The following ASTN1 variants were observed in gnomAD, a reference collection of about 807,000 sequenced individuals.
The protein encoded by ASTN1 is astrotactin 1, also known as astrotactin-1.
In ASTN1, 41 loss-of-function variants were observed where a neutral mutation model predicts 140.7. The observed-to-expected ratio is 0.29, with a 90% CI of 0.23 to 0.38. ASTN1 has a LOEUF of 0.38. ASTN1 is among the 10% of genes least tolerant of loss of function. The pLI, the probability that ASTN1 is intolerant of heterozygous loss-of-function variation, is 1.00. For missense variants in ASTN1, 1,479 were observed against 1,678.8 expected (o/e 0.88, Z 2.08); for synonymous variants, 640 against 652.2 (o/e 0.98, Z 0.29).
chr1:176,889,915 A>T (rs6676325), intron 17 of ASTN1, among the ~76,000 whole-genome samples: 47,709 of 152,114 alleles, frequency 0.31, 8,996 homozygotes, highest in East Asian at 0.73. Flanking sequence ...TGCCCACTTT[A>T]TGCTTTGCCT....
chr1:176,862,543 C>A lies in ASTN1; in HGVS notation c.*1741G>T, dbSNP rs1034421183. Reference sequence around the variant, plus strand: ...GGCTGAGAGCTTGGACAGTTGTGTGCCAGATGATACTGAAAACAGAACTGG... The same window carrying A: ...GGCTGAGAGCTTGGACAGTTGTGTGACAGATGATACTGAAAACAGAACTGG... On this transcript the variant is annotated 3_prime_UTR_variant, in exon 23 of 23. Coordinates refer to ENST00000361833, the MANE Select transcript of ASTN1 (RefSeq NM_004319.3). 4.1e-6 allele frequency: 4 copies of A among 985,224 alleles called. No homozygotes were observed. In the African/African-American group the frequency reaches 7.0e-5, roughly 17 times the overall value. The allele number at this position is 985,224 out of a possible 1,614,324, so 61.0% of individuals were successfully genotyped here.
At position 177,033,919 on chromosome 1, in the gene ASTN1, T is replaced by A. The variant is rs149119019; in HGVS notation, c.472-1070A>T. On this transcript the variant is annotated intron_variant, in intron 2 of 22. Coordinates refer to ENST00000361833, the MANE Select transcript of ASTN1 (RefSeq NM_004319.3). ...CTGCATGGCACTCGGTGGGCATAAATCTTCCCGTGCACAATCTCTATTCAC... is the reference window on the plus strand; with the variant it reads ...CTGCATGGCACTCGGTGGGCATAAAACTTCCCGTGCACAATCTCTATTCAC... 2.8e-4 allele frequency among the ~76,000 whole-genome samples: 43 copies of A among 152,124 alleles called. 1 individual carries two copies. The highest frequency in any genetic ancestry group is 9.6e-4 in the African/African-American group (40 of 41,490).
intron 16 of ASTN1, among the ~76,000 whole-genome samples, chr1:176,895,968 T>C (rs1669484505): frequency 6.6e-6 from 1 of 152,148 alleles, no homozygotes; most frequent in South Asian, 2.1e-4. Context: ...CTCAGACTCA[T>C]GAAGAATGCA....
At chr1:177,072,666 C>G (rs1331396862) in intron 1 of ASTN1, among the ~76,000 whole-genome samples, 1 of 152,092 alleles carries the variant, frequency 6.6e-6, no homozygotes, top group African/African-American at 2.4e-5. Flanking sequence ...ATTCTAAAGC[C>G]CTCCCTCCTC....
intron 8 of ASTN1, among the ~76,000 whole-genome samples, chr1:177,006,836 G>A (rs1393851068): frequency 6.6e-6 from 1 of 152,146 alleles, no homozygotes; most frequent in Non-Finnish European, 1.5e-5. Context: ...TCACCACGGG[G>A]AGGAGGTGGG....
chr1:177,069,627 C>A (rs1006046373), intron 1 of ASTN1, among the ~76,000 whole-genome samples: 9 of 152,134 alleles, frequency 5.9e-5, no homozygotes, highest in Non-Finnish European at 1.2e-4. Flanking sequence ...AGCAATCGAG[C>A]AACTACATGA....
intron 1 of ASTN1, among the ~76,000 whole-genome samples, chr1:177,069,380 C>T (rs565774546): frequency 9.9e-5 from 15 of 152,102 alleles, no homozygotes; most frequent in Non-Finnish European, 1.8e-4. Context: ...CCCGCTTCTC[C>T]TTTGCCGAAA....
At chr1:176,886,361 T>G (rs760832562) in intron 18 of ASTN1, among the ~76,000 whole-genome samples, 7 of 152,250 alleles carry the variant, frequency 4.6e-5, no homozygotes, top group South Asian at 2.1e-4. Context: ...CTGGATCTTG[T>G]GTCCACCTGA....
rs561258679 is a variant in ASTN1, at chr1:177,052,366, G to A, written c.471+8712C>T. The stretch of plus-strand genomic sequence containing the variant: ...TACTTCCCTATAGGCCAGGCACTAC[G>A]GGAAGTGGTTTATAAGAATCATCTC... On this transcript the variant is annotated intron_variant, in intron 2 of 22. Coordinates refer to ENST00000361833, the MANE Select transcript of ASTN1 (RefSeq NM_004319.3). 1.2e-3 allele frequency among the ~76,000 whole-genome samples: 180 copies of A among 152,190 alleles called. No homozygotes were observed. In the Middle Eastern group the frequency reaches 0.024, roughly 20 times the overall value.
chr1:176,882,868 G>T lies in ASTN1; in HGVS notation c.3353C>A (p.Thr1118Asn). 1 of 1,614,148 alleles carries T rather than the reference G, an allele frequency of 6.2e-7. No individual in the cohort carries two copies. The highest frequency in any genetic ancestry group is 8.5e-7 in the Non-Finnish European group (1 of 1,180,024). ...SLIIRCLEPDTIYMFTLWGVD... is the reference protein window; with the variant it reads ...SLIIRCLEPDNIYMFTLWGVD... ...GGTGTGTGTTACTCACATGTAAATG[G>T]TGTCAGGTTCCAGGCATCGTATGAT... Residue 1118 changes from threonine (T) to asparagine (N), a missense_variant, in exon 20 of 23, where the codon ACC (threonine) becomes AAC (asparagine). Around this residue, in one of 3 missense-constraint regions of ASTN1, gnomAD observed 746 missense variants for 800.9 expected, o/e 0.93. Coordinates refer to ENST00000361833, the MANE Select transcript of ASTN1 (RefSeq NM_004319.3).
intron 1 of ASTN1, among the ~76,000 whole-genome samples, chr1:177,109,207 G>A (rs533875371): frequency 1.6e-4 from 25 of 151,756 alleles, no homozygotes; most frequent in Admixed American, 7.2e-4. Flanking sequence ...TTGTTCATAC[G>A]GTATACCAAA....
At chr1:177,164,364 C>G in intron 1 of ASTN1, 30 bp downstream of exon 1, 1 of 1,535,524 alleles carries the variant, frequency 6.5e-7, no homozygotes, top group Non-Finnish European at 8.8e-7. Context: ...TCCAGCGCCT[C>G]CGGCCGCCTC....
intron 2 of ASTN1, among the ~76,000 whole-genome samples, chr1:177,047,102 T>C (rs2102006010): frequency 6.6e-6 from 1 of 152,120 alleles, no homozygotes; most frequent in African/African-American, 2.4e-5. Context: ...GAGCTTACAC[T>C]CAGGGGAGAT....
chr1:177,022,953 T>G (rs1329084949), intron 7 of ASTN1, among the ~76,000 whole-genome samples: 1 of 152,130 alleles, frequency 6.6e-6, no homozygotes, highest in Non-Finnish European at 1.5e-5. Context: ...TCATGCATAG[T>G]AAAGAGACTG....
chr1:177,042,997 A>C (rs1180488426), intron 2 of ASTN1, among the ~76,000 whole-genome samples: 2 of 152,236 alleles, frequency 1.3e-5, no homozygotes, highest in African/African-American at 4.8e-5. Flanking sequence ...GATTGGCCAA[A>C]TACAACATTT....
At chr1:177,150,975 G>A (rs1683006160) in intron 1 of ASTN1, among the ~76,000 whole-genome samples, 1 of 152,072 alleles carries the variant, frequency 6.6e-6, no homozygotes, top group South Asian at 2.1e-4. Flanking sequence ...AACAAAACAT[G>A]TTTTGATACA....
At chr1:176,927,769 A>C (rs1375529806) in intron 16 of ASTN1, among the ~76,000 whole-genome samples, 1 of 152,244 alleles carries the variant, frequency 6.6e-6, no homozygotes. Context: ...GCAGATAAAA[A>C]GTATGTTTTC....
At chr1:176,890,618 G>A (rs1669220384) in intron 17 of ASTN1, among the ~76,000 whole-genome samples, 1 of 152,196 alleles carries the variant, frequency 6.6e-6, no homozygotes, top group Admixed American at 6.5e-5. Context: ...GGAGCAACAT[G>A]ATCAGATTTT....
intron 15 of ASTN1, 92 bp from the exon 16 acceptor site, chr1:176,934,432 C>T (rs1442385705): frequency 3.2e-5 from 42 of 1,292,868 alleles, no homozygotes; most frequent in Non-Finnish European, 4.4e-5. Flanking sequence ...ATGGAAGTGC[C>T]TGTGTGGCTC....
Sources: gnomAD v4.1 joint callset for allele counts (sites outside exome capture counted in the v4.1 genomes callset) on GRCh38, gnomAD v4.1.1 for gene constraint, gnomAD v4.1.1 regional missense constraint, MANE v1.5 for transcripts, NCBI Gene and HGNC (gene_info 2026-07-23, HGNC 2026-07-21) for gene names.